ABTB3: variants seen among roughly 807,000 people sequenced by gnomAD.
ABTB3 encodes ankyrin repeat- and BTB/POZ domain-containing protein 3.
At chr12:107,553,908 C>A in the ABTB3 span, among the ~76,000 whole-genome samples, 1 of 152,100 alleles carries the variant, frequency 6.6e-6, no homozygotes, top group Non-Finnish European at 1.5e-5. Flanking sequence ...CCACTGCAGT[C>A]CAGCCTGAGT....
chr12:107,436,512 G>A, the ABTB3 span, among the ~76,000 whole-genome samples: 1 of 152,316 alleles, frequency 6.6e-6, no homozygotes, highest in East Asian at 1.9e-4. Flanking sequence ...GGGTATGGCT[G>A]CCATTTTGGA....
the ABTB3 span, among the ~76,000 whole-genome samples, chr12:107,344,484 G>T: frequency 6.6e-6 from 1 of 152,206 alleles, no homozygotes; most frequent in Non-Finnish European, 1.5e-5. Flanking sequence ...GATATTTCCA[G>T]CCCCAGCTTT....
chr12:107,600,175 T>C, the ABTB3 span, among the ~76,000 whole-genome samples: 1 of 152,176 alleles, frequency 6.6e-6, no homozygotes, highest in African/African-American at 2.4e-5. Context: ...TTAAGCAAGA[T>C]ACAGGTGTGA....
chr12:107,638,283 T>G, the ABTB3 span, among the ~76,000 whole-genome samples: 1 of 152,070 alleles, frequency 6.6e-6, no homozygotes, highest in African/African-American at 2.4e-5. Flanking sequence ...GTTCAGGGTC[T>G]GAGTGAAGAG....
the ABTB3 span, among the ~76,000 whole-genome samples, chr12:107,425,102 T>G: frequency 6.6e-6 from 1 of 152,140 alleles, no homozygotes; most frequent in African/African-American, 2.4e-5. Flanking sequence ...CCAAACTCCT[T>G]AGCAGACCAG....
the ABTB3 span, among the ~76,000 whole-genome samples, chr12:107,384,128 A>C: frequency 1.8e-4 from 28 of 152,252 alleles, no homozygotes; most frequent in Non-Finnish European, 4.1e-4. Context: ...CTGAGAACTC[A>C]CATGTCTGGG....
At chr12:107,628,175 T>C in the ABTB3 span, among the ~76,000 whole-genome samples, 1 of 152,144 alleles carries the variant, frequency 6.6e-6, no homozygotes, top group Non-Finnish European at 1.5e-5. Flanking sequence ...ACTTTCACTC[T>C]TGTCACTCAG....
the ABTB3 span, among the ~76,000 whole-genome samples, chr12:107,542,774 A>T: frequency 6.6e-6 from 1 of 152,216 alleles, no homozygotes; most frequent in Non-Finnish European, 1.5e-5. Flanking sequence ...TACCATAAGT[A>T]AGCTTGAGAA....
At chr12:107,490,445 A>T in the ABTB3 span, among the ~76,000 whole-genome samples, 1 of 152,148 alleles carries the variant, frequency 6.6e-6, no homozygotes, top group East Asian at 1.9e-4. Flanking sequence ...GTTGAAACAG[A>T]TGGTGGCATA....
the ABTB3 span, among the ~76,000 whole-genome samples, chr12:107,336,787 A>G: frequency 6.6e-6 from 1 of 152,186 alleles, no homozygotes; most frequent in African/African-American, 2.4e-5. Flanking sequence ...AAGCACAGAT[A>G]TTTGTCTGTT....
the ABTB3 span, among the ~76,000 whole-genome samples, chr12:107,499,789 G>T: frequency 6.6e-6 from 1 of 151,680 alleles, no homozygotes; most frequent in Non-Finnish European, 1.5e-5. Flanking sequence ...AGGTTCAAGC[G>T]ATTCTCCTGC....
chr12:107,469,601 A>T, the ABTB3 span, among the ~76,000 whole-genome samples: 2 of 152,194 alleles, frequency 1.3e-5, no homozygotes, highest in African/African-American at 4.8e-5. Flanking sequence ...AGAAGCCCTC[A>T]ACTCTGAAGC....
At chr12:107,388,927 A>G in the ABTB3 span, among the ~76,000 whole-genome samples, 2 of 152,186 alleles carry the variant, frequency 1.3e-5, no homozygotes, top group African/African-American at 4.8e-5. Flanking sequence ...CAAAGATCAA[A>G]TGAGTTTGCT....
chr12:107,496,547 T>G, the ABTB3 span, among the ~76,000 whole-genome samples: 8 of 152,158 alleles, frequency 5.3e-5, no homozygotes, highest in East Asian at 1.5e-3. Flanking sequence ...ATTGAGAGCT[T>G]GTCTGGGGTT....
At chr12:107,373,444 C>T in the ABTB3 span, among the ~76,000 whole-genome samples, 2 of 152,168 alleles carry the variant, frequency 1.3e-5, no homozygotes, top group African/African-American at 2.4e-5. Flanking sequence ...CCCTGGGGTT[C>T]GCTGCATGTA....
the ABTB3 span, among the ~76,000 whole-genome samples, chr12:107,410,929 T>C: frequency 6.6e-6 from 1 of 152,096 alleles, no homozygotes; most frequent in Non-Finnish European, 1.5e-5. Context: ...TGAGCATGGA[T>C]GAAATTACCT....
the ABTB3 span, among the ~76,000 whole-genome samples, chr12:107,446,575 T>C: frequency 6.6e-6 from 1 of 152,210 alleles, no homozygotes; most frequent in Non-Finnish European, 1.5e-5. Flanking sequence ...GCAAGCCCTA[T>C]GTGACCAAAA....
At chr12:107,609,003 AATAAAAT>A in the ABTB3 span, among the ~76,000 whole-genome samples, 315 of 141,736 alleles carry the variant, frequency 2.2e-3, 9 homozygotes, top group African/African-American at 8.4e-3. Flanking sequence ...AATAAAATAA[AATAAAAT>A]AAAGACACAG....
the ABTB3 span, among the ~76,000 whole-genome samples, chr12:107,412,041 G>T: frequency 1.3e-5 from 2 of 152,148 alleles, no homozygotes; most frequent in African/African-American, 4.8e-5. Context: ...CAACCTGAAG[G>T]ATGAGCAACC....
Sources: gnomAD v4.1 joint callset for allele counts (sites outside exome capture counted in the v4.1 genomes callset) on GRCh38, gnomAD v4.1.1 for gene constraint, MANE v1.5 for transcripts, NCBI Gene and HGNC (gene_info 2026-07-23, HGNC 2026-07-21) for gene names.